NRXN1: variants seen among roughly 807,000 people sequenced by gnomAD.
The protein encoded by NRXN1 is neurexin-1.
A neutral mutation model predicts 150.9 loss-of-function variants in NRXN1; 39 were observed. The observed-to-expected ratio is 0.26, with a 90% CI of 0.20 to 0.34. The LOEUF is 0.34. Ranked by LOEUF, NRXN1 falls within the 10% of genes least tolerant of loss-of-function variation. NRXN1 has a pLI of 1.00. For synonymous variants in NRXN1, 924 were observed against 757.0 expected (o/e 1.22, Z -3.62); for missense variants, 1,815 against 1,949.9 (o/e 0.93, Z 1.30).
intron 2 of NRXN1, among the ~76,000 whole-genome samples, chr2:51,020,940 T>G (rs1297527027): frequency 1.3e-5 from 2 of 152,032 alleles, no homozygotes; most frequent in Non-Finnish European, 2.9e-5. Flanking sequence ...TGCAATTTTC[T>G]GAACAGCTCT....
At chr2:50,411,576 C>A (rs935617746) in intron 17 of NRXN1, among the ~76,000 whole-genome samples, 63 of 148,880 alleles carry the variant, frequency 4.2e-4, no homozygotes, top group African/African-American at 1.3e-3. Context: ...CGTCTGGGAA[C>A]TGAGGAGTGT....
chr2:50,947,606 T>C (rs896827234), intron 2 of NRXN1, among the ~76,000 whole-genome samples: 1 of 151,988 alleles, frequency 6.6e-6, no homozygotes, highest in Non-Finnish European at 1.5e-5. Flanking sequence ...GCTTAGATTA[T>C]ATTCTAACCA....
chr2:50,145,554 T>C (rs1192171624), intron 18 of NRXN1, among the ~76,000 whole-genome samples: 1 of 151,694 alleles, frequency 6.6e-6, no homozygotes, highest in Non-Finnish European at 1.5e-5. Context: ...CAAGACCCAG[T>C]CTAGGAAAGC....
At chr2:50,157,579 T>C (rs2059101700) in intron 18 of NRXN1, among the ~76,000 whole-genome samples, 1 of 151,904 alleles carries the variant, frequency 6.6e-6, no homozygotes, top group Admixed American at 6.6e-5. Context: ...CTGAGCTGTG[T>C]TTTTAAGAAT....
rs1682081934 is a variant in NRXN1, at chr2:50,630,499, T to C, written c.833-6884A>G. Among the ~76,000 whole-genome samples the C allele has an allele frequency of 2.0e-5, 3 of 151,722 alleles. 1 individual carries two copies. In the South Asian group the frequency reaches 6.2e-4, roughly 31 times the overall value. The stretch of plus-strand genomic sequence containing the variant: ...TATCTTCTAACTTCACTGAACTTCT[T>C]CACCAAATAAATAATCTGCAAGGAA... On this transcript the variant is annotated intron_variant, in intron 5 of 22. Coordinates refer to ENST00000401669, the MANE Select transcript of NRXN1 (RefSeq NM_001330078.2).
chr2:50,174,601 G>C (rs895480501), intron 18 of NRXN1: 1 of 152,034 alleles, frequency 6.6e-6, no homozygotes, highest in Non-Finnish European at 1.5e-5. Flanking sequence ...TTAAGAATAA[G>C]GGTCTGTCTG....
chr2:50,665,964 A>C (rs1347987467), intron 5 of NRXN1, among the ~76,000 whole-genome samples: 1 of 151,974 alleles, frequency 6.6e-6, no homozygotes, highest in Non-Finnish European at 1.5e-5. Context: ...ATGATATTTT[A>C]TACATCTATG....
chr2:50,262,770 T>C (rs779886160), intron 17 of NRXN1, among the ~76,000 whole-genome samples: 7 of 151,998 alleles, frequency 4.6e-5, no homozygotes, highest in Non-Finnish European at 7.4e-5. Context: ...TCCATGCTTC[T>C]GGTTGAGAAA....
At chr2:50,529,650 T>C (rs1268121964) in intron 11 of NRXN1, among the ~76,000 whole-genome samples, 2 of 152,220 alleles carry the variant, frequency 1.3e-5, no homozygotes, top group Non-Finnish European at 2.9e-5. Flanking sequence ...AGAAAAGTGG[T>C]TGCAAACAGC....
At position 50,097,985 on chromosome 2, in the gene NRXN1, G is replaced by A. The variant is rs1700466532; in HGVS notation, c.3547-6491C>T. 1.3e-5 allele frequency among the ~76,000 whole-genome samples: 2 copies of A among 152,056 alleles called. 1 individual carries two copies. Among genetic ancestry groups the A allele is most frequent in the South Asian group, 4.1e-4 (2 of 4,822 alleles). ...AATTACTTAGAGGCCCTCTTGGCTG[G>A]TAGAGACTCTGTTTACCAATTTAGA... is the stretch of plus-strand genomic sequence containing the variant. On this transcript the variant is annotated intron_variant, in intron 18 of 22. Transcript: ENST00000401669.
intron 5 of NRXN1, among the ~76,000 whole-genome samples, chr2:50,808,163 C>T (rs1429820277): frequency 3.3e-5 from 5 of 151,928 alleles, no homozygotes. Flanking sequence ...GTAAGAAGTA[C>T]AGTGTTAAAA....
At chr2:50,483,525 G>T (rs544085907) in intron 15 of NRXN1, among the ~76,000 whole-genome samples, 1 of 152,164 alleles carries the variant, frequency 6.6e-6, no homozygotes, top group South Asian at 2.1e-4. Context: ...CCCCTTTCTC[G>T]TAACACTTTC....
intron 5 of NRXN1, among the ~76,000 whole-genome samples, chr2:50,662,593 T>G (rs1455593269): frequency 6.6e-6 from 1 of 151,986 alleles, no homozygotes; most frequent in Non-Finnish European, 1.5e-5. Context: ...TTCTTTTGTT[T>G]TGTTTTGTTT....
intron 21 of NRXN1, among the ~76,000 whole-genome samples, chr2:49,967,494 T>C (rs192306193): frequency 9.2e-5 from 14 of 152,202 alleles, no homozygotes; most frequent in Non-Finnish European, 1.9e-4. Context: ...TTTTGTTACG[T>C]TTATAGACAT....
intron 2 of NRXN1, among the ~76,000 whole-genome samples, chr2:50,998,737 T>C (rs529950722): frequency 6.6e-6 from 1 of 152,218 alleles, no homozygotes; most frequent in South Asian, 2.1e-4. Context: ...TGTCAGTCAA[T>C]TATTGATATT....
At chr2:50,163,220 T>C (rs1282096292) in intron 18 of NRXN1, among the ~76,000 whole-genome samples, 1 of 150,244 alleles carries the variant, frequency 6.7e-6, no homozygotes, top group Admixed American at 6.7e-5. Context: ...TAAGTAATTT[T>C]GAAACTAACA....
intron 22 of NRXN1, among the ~76,000 whole-genome samples, chr2:49,934,696 T>C (rs1011627096): frequency 2.0e-5 from 3 of 152,126 alleles, no homozygotes; most frequent in Admixed American, 6.5e-5. Flanking sequence ...TAGGTGTGCC[T>C]GGTAAGTCAT....
At chr2:50,726,877 A>G (rs1697422881) in intron 5 of NRXN1, among the ~76,000 whole-genome samples, 1 of 152,216 alleles carries the variant, frequency 6.6e-6, no homozygotes, top group Admixed American at 6.5e-5. Context: ...TCCTGTACTT[A>G]AAGAAAAATA....
chr2:51,024,191 C>A (rs975076631), intron 2 of NRXN1, among the ~76,000 whole-genome samples: 1 of 152,072 alleles, frequency 6.6e-6, no homozygotes, highest in Non-Finnish European at 1.5e-5. Flanking sequence ...ACCATAACAA[C>A]GGTCCAGGCA....
Sources: gnomAD v4.1 joint callset for allele counts (sites outside exome capture counted in the v4.1 genomes callset) on GRCh38, gnomAD v4.1.1 for gene constraint, MANE v1.5 for transcripts, NCBI Gene and HGNC (gene_info 2026-07-23, HGNC 2026-07-21) for gene names.